DTNA: variants seen among roughly 807,000 people sequenced by gnomAD.
DTNA encodes the protein dystrophin-related protein 3.
A neutral mutation model predicts 100.7 loss-of-function variants in DTNA; 43 were observed. The ratio of observed to expected loss-of-function variants is 0.43; its 90% CI spans 0.33 to 0.55. The LOEUF is 0.55. DTNA is among the 20% of genes least tolerant of loss of function. The pLI, the probability that DTNA is intolerant of heterozygous loss-of-function variation, is 0.04. For synonymous variants in DTNA, 349 were observed against 347.9 expected (o/e 1.00, Z -0.04); for missense variants, 798 against 953.9 (o/e 0.84, Z 2.15).
intron 13 of DTNA, among the ~76,000 whole-genome samples, chr18:34,845,819 CT>C (rs1351373286): frequency 1.3e-5 from 2 of 152,044 alleles, no homozygotes; most frequent in Non-Finnish European, 2.9e-5. Context: ...ATAATTCTGC[CT>C]TTGCTATTAA....
chr18:34,663,268 C>T (rs916524812), intron 1 of DTNA, among the ~76,000 whole-genome samples: 1 of 152,152 alleles, frequency 6.6e-6, no homozygotes, highest in Non-Finnish European at 1.5e-5. Context: ...ATCCTCCTAC[C>T]TCAGTCTCCT....
intron 1 of DTNA, among the ~76,000 whole-genome samples, chr18:34,734,848 G>A (rs1237649138): frequency 1.3e-5 from 2 of 152,076 alleles, no homozygotes; most frequent in Admixed American, 1.3e-4. Context: ...TTCACACCAA[G>A]GACTATCAGT....
At chr18:34,496,830 G>A (rs1395373729) in intron 1 of DTNA, among the ~76,000 whole-genome samples, 2 of 152,228 alleles carry the variant, frequency 1.3e-5, no homozygotes, top group Non-Finnish European at 2.9e-5. Flanking sequence ...AATGACACGT[G>A]AGAAGGTGTG....
intron 1 of DTNA, among the ~76,000 whole-genome samples, chr18:34,587,140 C>T (rs2049226470): frequency 6.6e-6 from 1 of 150,472 alleles, no homozygotes; most frequent in South Asian, 2.1e-4. Context: ...TGCCACCATG[C>T]CTGGCTAATT....
At chr18:34,649,036 T>C (rs1261058745) in intron 1 of DTNA, among the ~76,000 whole-genome samples, 1 of 152,228 alleles carries the variant, frequency 6.6e-6, no homozygotes, top group East Asian at 1.9e-4. Flanking sequence ...AGTGTTCTGC[T>C]CTTTCGGAGA....
chr18:34,668,781 G>A (rs1198216671), intron 1 of DTNA, among the ~76,000 whole-genome samples: 7 of 152,126 alleles, frequency 4.6e-5, no homozygotes, highest in African/African-American at 2.4e-5. Flanking sequence ...TTGCACTGTG[G>A]TCTGAGAGAC....
chr18:34,691,643 C>T (rs938607360), intron 1 of DTNA, among the ~76,000 whole-genome samples: 1 of 152,174 alleles, frequency 6.6e-6, no homozygotes, highest in Non-Finnish European at 1.5e-5. Flanking sequence ...TCTTGGGTCT[C>T]ACTGCCTACC....
At chr18:34,616,386 G>T (rs1229054604) in intron 1 of DTNA, among the ~76,000 whole-genome samples, 2 of 152,194 alleles carry the variant, frequency 1.3e-5, no homozygotes, top group Non-Finnish European at 2.9e-5. Context: ...AAGAGCTTCT[G>T]CAGAGCAAAA....
chr18:34,726,177 C>T (rs945876777), intron 1 of DTNA, among the ~76,000 whole-genome samples: 8 of 152,104 alleles, frequency 5.3e-5, no homozygotes, highest in Non-Finnish European at 1.0e-4. Context: ...AGCAAACCCA[C>T]ATGGCACATG....
chr18:34,666,112 T>A (rs1303357950), intron 1 of DTNA, among the ~76,000 whole-genome samples: 1 of 152,244 alleles, frequency 6.6e-6, no homozygotes, highest in Non-Finnish European at 1.5e-5. Context: ...ATGATTGCTA[T>A]TCTAACTGGT....
At chr18:34,768,943 G>A (rs536082367) in intron 3 of DTNA, among the ~76,000 whole-genome samples, 127 of 152,336 alleles carry the variant, frequency 8.3e-4, no homozygotes, top group African/African-American at 3.0e-3. Flanking sequence ...AGTGCCCTGA[G>A]TTGTTGGGGG....
chr18:34,784,578 T>G (rs1318405552), intron 3 of DTNA, among the ~76,000 whole-genome samples: 2 of 152,214 alleles, frequency 1.3e-5, no homozygotes, highest in Non-Finnish European at 2.9e-5. Flanking sequence ...TTCCTGTATT[T>G]TGAGCTCCTG....
chr18:34,626,856 T>C (rs1471228530), intron 1 of DTNA, among the ~76,000 whole-genome samples: 1 of 152,192 alleles, frequency 6.6e-6, no homozygotes, highest in African/African-American at 2.4e-5. Context: ...TTTAAGGGTG[T>C]CTCACCATTA....
At chr18:34,884,656 T>A in intron 21 of DTNA, 72 bp from the exon 22 acceptor site, 1 of 1,552,378 alleles carries the variant, frequency 6.4e-7, no homozygotes, top group Non-Finnish European at 8.9e-7. Flanking sequence ...TCCCGCCAAA[T>A]AATTCACCAG....
At chr18:34,525,817 GA>G (rs1321504287) in intron 1 of DTNA, among the ~76,000 whole-genome samples, 24 of 152,270 alleles carry the variant, frequency 1.6e-4, no homozygotes, top group African/African-American at 5.8e-4. Context: ...GTCTACTCAA[GA>G]TGTCTTCTAG....
chr18:34,779,443 A>G (rs951595834), intron 3 of DTNA, among the ~76,000 whole-genome samples: 36 of 152,186 alleles, frequency 2.4e-4, no homozygotes, highest in African/African-American at 8.2e-4. Context: ...CACATTCTAG[A>G]GGTAGCTATT....
chr18:34,652,627 TTCCAGCAC>T (rs2060590327), intron 1 of DTNA, among the ~76,000 whole-genome samples: 1 of 152,212 alleles, frequency 6.6e-6, no homozygotes, highest in Non-Finnish European at 1.5e-5. Flanking sequence ...CATGCTACTT[TTCCAGCAC>T]TAGTTTAAAT....
chr18:34,756,557 A>G (rs1196269884), intron 2 of DTNA, among the ~76,000 whole-genome samples: 3 of 152,218 alleles, frequency 2.0e-5, no homozygotes, highest in African/African-American at 4.8e-5. Context: ...CTCATGTAGA[A>G]AAGGAGAATC....
chr18:34,520,543 A>G (rs1333651697), intron 1 of DTNA, among the ~76,000 whole-genome samples: 1 of 152,124 alleles, frequency 6.6e-6, no homozygotes, highest in Non-Finnish European at 1.5e-5. Context: ...AATTCCAGCT[A>G]CTAGGGAGAC....
Sources: allele counts gnomAD v4.1 joint callset (sites outside exome capture counted in the v4.1 genomes callset), GRCh38; gene constraint gnomAD v4.1.1; transcripts MANE v1.5; gene names NCBI Gene and HGNC (gene_info 2026-07-23, HGNC 2026-07-21).